KLF12: variants seen among roughly 807,000 people sequenced by gnomAD.
KLF12 encodes the protein Krueppel-like factor 12.
A neutral mutation model predicts 37.8 loss-of-function variants in KLF12; 9 were observed. That is an observed-to-expected ratio of 0.24 (90% CI 0.14 to 0.42). The LOEUF is 0.42. Ranked by LOEUF, KLF12 falls within the 10% of genes least tolerant of loss-of-function variation. The pLI, the probability that KLF12 is intolerant of heterozygous loss-of-function variation, is 1.00. For missense variants in KLF12, 411 were observed against 516.0 expected, an observed-to-expected ratio of 0.80 and a Z score of 1.97; for synonymous variants, 208 against 202.1, an observed-to-expected ratio of 1.03 and a Z score of -0.25.
intron 5 of KLF12, among the ~76,000 whole-genome samples, chr13:73,781,774 C>T (rs990939451): frequency 6.6e-6 from 1 of 151,974 alleles, no homozygotes; most frequent in Non-Finnish European, 1.5e-5. Context: ...ATGTAATCAA[C>T]AACACACAAA....
the KLF12 span, among the ~76,000 whole-genome samples, chr13:74,219,183 C>T: frequency 2.6e-4 from 39 of 152,044 alleles, no homozygotes; most frequent in African/African-American, 7.5e-4. Flanking sequence ...CCTGAACTCC[C>T]GACCTTAAGT....
At chr13:73,774,425 T>C (rs1328608096) in intron 5 of KLF12, among the ~76,000 whole-genome samples, 1 of 152,088 alleles carries the variant, frequency 6.6e-6, no homozygotes, top group Non-Finnish European at 1.5e-5. Flanking sequence ...GTGGGTTCTT[T>C]GGACCTGCAT....
intron 3 of KLF12, among the ~76,000 whole-genome samples, chr13:73,918,014 T>C (rs1304753603): frequency 6.6e-6 from 1 of 152,102 alleles, no homozygotes; most frequent in Admixed American, 6.5e-5. Flanking sequence ...GGGTAGTCTT[T>C]AAATGCTTAG....
At chr13:74,247,945 AAGGGACTACC>A in the KLF12 span, among the ~76,000 whole-genome samples, 2 of 152,220 alleles carry the variant, frequency 1.3e-5, no homozygotes, top group African/African-American at 4.8e-5. Flanking sequence ...AATGGGGGCC[AAGGGACTACC>A]AGAATTCCAG....
the KLF12 span, among the ~76,000 whole-genome samples, chr13:74,269,229 C>T: frequency 7.9e-5 from 12 of 152,134 alleles, no homozygotes; most frequent in Admixed American, 3.3e-4. Flanking sequence ...TATTCATCTT[C>T]ATGATTTTCC....
chr13:73,865,993 C>A (rs1393561032), intron 3 of KLF12, among the ~76,000 whole-genome samples: 1 of 152,198 alleles, frequency 6.6e-6, no homozygotes, highest in Non-Finnish European at 1.5e-5. Flanking sequence ...CAGTGGCTCA[C>A]GCCTATAATC....
intron 1 of KLF12, among the ~76,000 whole-genome samples, chr13:74,056,422 A>G (rs1402351978): frequency 6.6e-6 from 1 of 152,210 alleles, no homozygotes; most frequent in African/African-American, 2.4e-5. Flanking sequence ...ACTTACAGTA[A>G]AGATTAATAA....
At chr13:74,267,217 A>T in the KLF12 span, among the ~76,000 whole-genome samples, 1 of 152,212 alleles carries the variant, frequency 6.6e-6, no homozygotes, top group Non-Finnish European at 1.5e-5. Flanking sequence ...TTTGAGAAAG[A>T]GTCTTTACAG....
At chr13:73,970,649 C>A (rs533565363) in intron 2 of KLF12, among the ~76,000 whole-genome samples, 3 of 152,318 alleles carry the variant, frequency 2.0e-5, no homozygotes, top group Admixed American at 2.0e-4. Flanking sequence ...ACCAGCTCCA[C>A]ATATACACAC....
chr13:74,025,680 A>C (rs1892959808), intron 1 of KLF12, among the ~76,000 whole-genome samples: 1 of 152,200 alleles, frequency 6.6e-6, no homozygotes, highest in South Asian at 2.1e-4. Context: ...AAAGGTACCC[A>C]AGGGAATTTA....
intron 1 of KLF12, among the ~76,000 whole-genome samples, chr13:74,022,051 C>A (rs1007110115): frequency 3.9e-5 from 6 of 152,084 alleles, no homozygotes; most frequent in Admixed American, 3.3e-4. Context: ...CATCTACATG[C>A]AAAAGACCTG....
chr13:73,869,454 C>T (rs1886355066), intron 3 of KLF12, among the ~76,000 whole-genome samples: 1 of 152,038 alleles, frequency 6.6e-6, no homozygotes, highest in African/African-American at 2.4e-5. Flanking sequence ...TGAACTATTG[C>T]ATTTAATAAT....
At chr13:73,716,867 AT>A (rs1367988250) in intron 6 of KLF12, among the ~76,000 whole-genome samples, 1 of 152,194 alleles carries the variant, frequency 6.6e-6, no homozygotes, top group Non-Finnish European at 1.5e-5. Context: ...TTTTTAAAAT[AT>A]TTTAACCATC....
At chr13:73,750,004 T>A (rs1179297894) in intron 6 of KLF12, among the ~76,000 whole-genome samples, 1 of 152,148 alleles carries the variant, frequency 6.6e-6, no homozygotes, top group Non-Finnish European at 1.5e-5. Context: ...CCAGATCACA[T>A]AATTAGAGAG....
chr13:73,978,426 A>G (rs1009415053), intron 2 of KLF12, among the ~76,000 whole-genome samples: 29 of 152,220 alleles, frequency 1.9e-4, no homozygotes, highest in African/African-American at 6.0e-4. Flanking sequence ...CCACGCTCAG[A>G]ATAACCAAAA....
intron 1 of KLF12, among the ~76,000 whole-genome samples, chr13:74,123,158 G>A (rs141255958): frequency 1.2e-4 from 18 of 152,000 alleles, no homozygotes; most frequent in East Asian, 3.9e-4. Flanking sequence ...TAAATCACAC[G>A]TCAATATCAT....
intron 2 of KLF12, among the ~76,000 whole-genome samples, chr13:73,973,794 C>T (rs559117811): frequency 1.2e-4 from 18 of 152,174 alleles, no homozygotes; most frequent in African/African-American, 4.3e-4. Flanking sequence ...AGCACTCACT[C>T]CTAACATTTA....
intron 3 of KLF12, among the ~76,000 whole-genome samples, chr13:73,866,218 G>T (rs1193932991): frequency 3.3e-5 from 5 of 152,152 alleles, no homozygotes; most frequent in Non-Finnish European, 7.3e-5. Flanking sequence ...TCACGCCACT[G>T]CACTCCAGCC....
chr13:73,831,583 A>T (rs1884161036), intron 4 of KLF12, among the ~76,000 whole-genome samples: 2 of 152,168 alleles, frequency 1.3e-5, no homozygotes, highest in Admixed American at 1.3e-4. Flanking sequence ...CTCTCCAAGG[A>T]CTAAAGCGCC....
Sources: gnomAD v4.1 joint callset for allele counts (sites outside exome capture counted in the v4.1 genomes callset) on GRCh38, gnomAD v4.1.1 for gene constraint, MANE v1.5 for transcripts, NCBI Gene and HGNC (gene_info 2026-07-23, HGNC 2026-07-21) for gene names.